The following MND1 variants were observed in gnomAD, a reference collection of about 807,000 sequenced individuals.
MND1 encodes the protein meiotic nuclear division protein 1 homolog.
A neutral mutation model predicts 35.1 loss-of-function variants in MND1; 28 were observed. The ratio of observed to expected loss-of-function variants is 0.80; its 90% CI spans 0.59 to 1.09. The LOEUF (loss-of-function observed/expected upper bound fraction) is 1.09. Among genes scored for constraint, MND1 ranks in the 50% least tolerant of loss-of-function variants. The pLI, the probability that MND1 is intolerant of heterozygous loss-of-function variation, is 0.00. For synonymous variants in MND1, 69 were observed against 70.5 expected (o/e 0.98, Z 0.11); for missense variants, 213 against 239.6 (o/e 0.89, Z 0.73).
intron 4 of MND1, among the ~76,000 whole-genome samples, chr4:153,390,919 A>ATATGTG (rs1554012261): frequency 5.6e-4 from 70 of 124,756 alleles, no homozygotes; most frequent in African/African-American, 1.7e-3. Flanking sequence ...GTGTGTGTAT[A>ATATGTG]TGTGTGTGTG....
At chr4:153,369,692 G>T (rs1044840556) in intron 4 of MND1, among the ~76,000 whole-genome samples, 1 of 151,228 alleles carries the variant, frequency 6.6e-6, no homozygotes, top group Non-Finnish European at 1.5e-5. Context: ...CAGGGTGATG[G>T]TTGCTGAAGG....
chr4:153,369,242 CAT>C (rs1380393218), intron 4 of MND1, among the ~76,000 whole-genome samples: 13 of 152,202 alleles, frequency 8.5e-5, no homozygotes, highest in African/African-American at 3.1e-4. Flanking sequence ...AAAGCAAGCT[CAT>C]GTGTGAGAGT....
intron 5 of MND1, among the ~76,000 whole-genome samples, chr4:153,394,747 CT>C (rs35472930): frequency 0.13 from 20,404 of 152,046 alleles, 1,580 homozygotes; most frequent in African/African-American, 0.2. Context: ...TTTTAAGACT[CT>C]TTTAAAAAAA....
intron 4 of MND1, among the ~76,000 whole-genome samples, chr4:153,370,920 C>A (rs140003202): frequency 2.6e-5 from 4 of 152,076 alleles, no homozygotes; most frequent in African/African-American, 7.2e-5. Flanking sequence ...CAGTTATAGC[C>A]TTACTGAAAG....
chr4:153,358,494 G>T lies in MND1; in HGVS notation c.148G>T (p.Val50Phe). 1.2e-6 allele frequency: 2 copies of T among 1,603,096 alleles called. No homozygotes were observed. The highest frequency in any genetic ancestry group is 8.5e-7 in the Non-Finnish European group (1 of 1,175,170). ...KGITAMSVKE[V>F]LQSLVDDGMV... ...CTTAGCTGCTATGTCAGTAAAAGAA[G>T]TCCTTCAAAGCTTAGTTGATGATGG... is the stretch of plus-strand genomic sequence containing the variant. The change falls in exon 4 of 8, where the codon GTC becomes TTC. Residue 50 changes from valine to phenylalanine, a missense_variant. Transcript: ENST00000240488.
chr4:153,356,508 G>A (rs540084982), intron 3 of MND1, among the ~76,000 whole-genome samples: 252 of 132,266 alleles, frequency 1.9e-3, no homozygotes, highest in African/African-American at 6.7e-3. Flanking sequence ...AGCCGAGATC[G>A]CGCCACTGCA....
At chr4:153,370,119 T>C (rs1487183512) in intron 4 of MND1, among the ~76,000 whole-genome samples, 1 of 151,900 alleles carries the variant, frequency 6.6e-6, no homozygotes, top group Non-Finnish European at 1.5e-5. Flanking sequence ...CTGTCTCTAC[T>C]TAAAATACAA....
intron 6 of MND1, among the ~76,000 whole-genome samples, chr4:153,400,857 C>A (rs190406045): frequency 6.6e-6 from 1 of 152,228 alleles, no homozygotes; most frequent in Non-Finnish European, 1.5e-5. Context: ...AAATTAGGAT[C>A]AGAAGACCAG....
At chr4:153,375,496 C>G (rs1456371259) in intron 4 of MND1, among the ~76,000 whole-genome samples, 1 of 151,976 alleles carries the variant, frequency 6.6e-6, no homozygotes, top group African/African-American at 2.4e-5. Flanking sequence ...AGCTTTAAAG[C>G]AGATTACATT....
intron 1 of MND1, among the ~76,000 whole-genome samples, chr4:153,345,876 C>G (rs1773066085): frequency 6.6e-6 from 1 of 152,232 alleles, no homozygotes; most frequent in Admixed American, 6.5e-5. Flanking sequence ...TTCTGTGTTA[C>G]AATTTTTCTC....
chr4:153,351,031 C>A (rs946050188), intron 2 of MND1, among the ~76,000 whole-genome samples: 1 of 150,684 alleles, frequency 6.6e-6, no homozygotes, highest in Non-Finnish European at 1.5e-5. Flanking sequence ...AAGTCATTGG[C>A]AATTCAGAAC....
chr4:153,405,310 C>A (rs543381420), intron 6 of MND1, among the ~76,000 whole-genome samples: 4 of 151,950 alleles, frequency 2.6e-5, no homozygotes, highest in African/African-American at 7.3e-5. Flanking sequence ...GAAGCTGAGG[C>A]GGGTGGATCA....
chr4:153,360,774 TAC>T (rs1773467961), intron 4 of MND1, among the ~76,000 whole-genome samples: 1 of 81,334 alleles, frequency 1.2e-5, no homozygotes, highest in African/African-American at 7.8e-5. Context: ...CATATACATA[TAC>T]ACATATATAC....
At chr4:153,368,276 A>T (rs912312024) in intron 4 of MND1, among the ~76,000 whole-genome samples, 2 of 152,082 alleles carry the variant, frequency 1.3e-5, no homozygotes, top group African/African-American at 4.8e-5. Flanking sequence ...TCAAGCTCTC[A>T]TTGCTTAAAA....
chr4:153,346,174 G>A (rs1326837363), intron 1 of MND1, among the ~76,000 whole-genome samples: 1 of 152,122 alleles, frequency 6.6e-6, no homozygotes, highest in Non-Finnish European at 1.5e-5. Flanking sequence ...ATTTGGTTAG[G>A]CATCCTAAGT....
chr4:153,386,641 G>C (rs1020321191), intron 4 of MND1, among the ~76,000 whole-genome samples: 1 of 152,060 alleles, frequency 6.6e-6, no homozygotes, highest in Non-Finnish European at 1.5e-5. Context: ...ACTTGAACCC[G>C]GGAGGTGGAG....
intron 4 of MND1, among the ~76,000 whole-genome samples, chr4:153,393,991 G>A (rs145349923): frequency 0.018 from 2,462 of 140,312 alleles, 75 homozygotes; most frequent in African/African-American, 0.062. Flanking sequence ...GTGCAGAGGC[G>A]CAATCTCAGC....
intron 5 of MND1, among the ~76,000 whole-genome samples, chr4:153,394,688 A>G (rs1729150877): frequency 6.6e-6 from 1 of 152,188 alleles, no homozygotes; most frequent in African/African-American, 2.4e-5. Flanking sequence ...CAAAGCACCT[A>G]GAAGAGGACC....
chr4:153,355,730 C>G lies in MND1; in HGVS notation c.127+19C>G. The G allele has an allele frequency of 1.3e-6, 2 of 1,487,138 alleles. No homozygotes were observed. The highest frequency in any genetic ancestry group is 1.9e-6 in the Non-Finnish European group (2 of 1,071,818). 92.1% of individuals were successfully genotyped at this position (1,487,138 alleles called of 1,614,324 possible). On this transcript the variant is annotated intron_variant, in intron 3 of 7. Coordinates refer to ENST00000240488, the MANE Select transcript of MND1 (RefSeq NM_032117.4). ...GGCATTAGTAAGTACCAAAGTTATA[C>G]TGGAATGTTTTGGGAAATATACTGG...
Sources: allele counts gnomAD v4.1 joint callset (sites outside exome capture counted in the v4.1 genomes callset), GRCh38; gene constraint gnomAD v4.1.1; transcripts MANE v1.5; gene names NCBI Gene and HGNC (gene_info 2026-07-23, HGNC 2026-07-21).